MAP4K4: variants seen among roughly 807,000 people sequenced by gnomAD.
The protein encoded by MAP4K4 is mitogen-activated protein kinase kinase kinase kinase 4, also known as HPK/GCK-like kinase HGK.
MAP4K4 carries 38 observed loss-of-function variants against 189.6 expected under a neutral mutation model. The ratio of observed to expected loss-of-function variants is 0.20; its 90% CI spans 0.15 to 0.26. MAP4K4 has a LOEUF of 0.26. Ranked by LOEUF, MAP4K4 falls within the 10% of genes least tolerant of loss-of-function variation. The pLI is 1.00. For synonymous variants in MAP4K4, 610 were observed against 624.3 expected (o/e 0.98, Z 0.34); for missense variants, 1,054 against 1,726.9 (o/e 0.61, Z 6.91).
intron 2 of MAP4K4, among the ~76,000 whole-genome samples, chr2:101,750,662 A>G (rs1353688315): frequency 6.6e-6 from 1 of 151,618 alleles, no homozygotes; most frequent in South Asian, 2.1e-4. Flanking sequence ...AAGTATATAT[A>G]TAAAAAAAAA....
chr2:101,890,963 G>T (rs1241911040), intron 32 of MAP4K4, among the ~76,000 whole-genome samples: 1 of 152,032 alleles, frequency 6.6e-6, no homozygotes, highest in Non-Finnish European at 1.5e-5. Flanking sequence ...GGCCAGACTG[G>T]TCTGGAACTC....
intron 2 of MAP4K4, among the ~76,000 whole-genome samples, chr2:101,754,151 A>G (rs1322811222): frequency 6.6e-6 from 1 of 152,082 alleles, no homozygotes; most frequent in Non-Finnish European, 1.5e-5. Flanking sequence ...ATCTTATATT[A>G]TATGTGAATG....
chr2:101,729,079 AGAGAG>A (rs2057092122), intron 2 of MAP4K4, among the ~76,000 whole-genome samples: 1 of 108,390 alleles, frequency 9.2e-6, no homozygotes, highest in East Asian at 3.2e-4. Context: ...TAGAGAGAGG[AGAGAG>A]AGAGAGAGAG....
chr2:101,845,633 A>T (rs2097082049), intron 12 of MAP4K4, among the ~76,000 whole-genome samples: 1 of 152,210 alleles, frequency 6.6e-6, no homozygotes, highest in African/African-American at 2.4e-5. Context: ...ACATAGAAAA[A>T]GTATGGTAAA....
At chr2:101,741,585 C>T (rs2062858016) in intron 2 of MAP4K4, among the ~76,000 whole-genome samples, 1 of 152,092 alleles carries the variant, frequency 6.6e-6, no homozygotes, top group South Asian at 2.1e-4. Flanking sequence ...GCTCCAGCCC[C>T]CAACCTTAAT....
intron 2 of MAP4K4, among the ~76,000 whole-genome samples, chr2:101,779,809 C>CT (rs34853403): frequency 0.26 from 37,674 of 143,666 alleles, 5,330 homozygotes; most frequent in East Asian, 0.35. Context: ...TTTCACCTCT[C>CT]TTTTTTTTTT....
intron 3 of MAP4K4, among the ~76,000 whole-genome samples, chr2:101,795,015 CAGT>C (rs895574606): frequency 2.1e-4 from 32 of 152,212 alleles, no homozygotes; most frequent in Admixed American, 7.2e-4. Flanking sequence ...AAGAACACCT[CAGT>C]GGTGGTATTG....
intron 3 of MAP4K4, among the ~76,000 whole-genome samples, chr2:101,808,246 G>T (rs1189938711): frequency 6.6e-6 from 1 of 152,152 alleles, no homozygotes; most frequent in African/African-American, 2.4e-5. Context: ...CCTGTGTGCA[G>T]CTTGTGCCCA....
chr2:101,834,050 TACAGTA>T (rs2096665338), intron 7 of MAP4K4, among the ~76,000 whole-genome samples: 1 of 152,208 alleles, frequency 6.6e-6, no homozygotes, highest in East Asian at 1.9e-4. Flanking sequence ...TGAAGAAACA[TACAGTA>T]GTTCACAGTA....
intron 2 of MAP4K4, among the ~76,000 whole-genome samples, chr2:101,760,524 G>A (rs28595093): frequency 0.063 from 3,460 of 55,126 alleles, 150 homozygotes; most frequent in African/African-American, 0.19. Context: ...ATATATATAT[G>A]TATATATGTG....
At chr2:101,843,022 G>A (rs2149574398) in intron 11 of MAP4K4, among the ~76,000 whole-genome samples, 1 of 152,278 alleles carries the variant, frequency 6.6e-6, no homozygotes, top group Non-Finnish European at 1.5e-5. Context: ...GTGGTATATA[G>A]AACATGGCTA....
intron 27 of MAP4K4, among the ~76,000 whole-genome samples, chr2:101,879,831 CT>C (rs60874878): frequency 0.21 from 26,587 of 124,920 alleles, 2,621 homozygotes; most frequent in African/African-American, 0.31. Flanking sequence ...TCAGCTGCTG[CT>C]TTTTTTTTTT....
chr2:101,844,964 A>G lies in MAP4K4; in HGVS notation c.1233+653A>G, dbSNP rs577858389. Among the ~76,000 whole-genome samples the G allele has an allele frequency of 4.7e-4, 71 of 152,250 alleles. 2 individuals carry two copies. In the South Asian group the frequency reaches 0.014, roughly 31 times the overall value. On this transcript the variant is annotated intron_variant, in intron 12 of 32. Transcript: ENST00000324219. ...AAAATAAAAAAGATAAGATTTGGAC[A>G]TAGAGGCGGAAACACGGGAAGAGTG... is the stretch of plus-strand genomic sequence containing the variant.
At chr2:101,842,468 T>C (rs920125463) in intron 10 of MAP4K4, 141 bp from the exon 11 acceptor site, 1 of 565,722 alleles carries the variant, frequency 1.8e-6, no homozygotes, top group Non-Finnish European at 3.2e-6. Flanking sequence ...TTGCCCCTCC[T>C]CCCCAAATCC....
At chr2:101,783,832 G>T (rs188245571) in intron 2 of MAP4K4, among the ~76,000 whole-genome samples, 42 of 152,296 alleles carry the variant, frequency 2.8e-4, no homozygotes, top group Non-Finnish European at 5.9e-5. Context: ...TTTTGATTTA[G>T]TGAGGGAGAC....
intron 7 of MAP4K4, 95 bp downstream of exon 7, chr2:101,831,946 G>C (rs2096605925): frequency 4.3e-6 from 6 of 1,411,624 alleles, no homozygotes; most frequent in East Asian, 2.4e-5. Context: ...TTGTCTGCCT[G>C]CCTTTTCAGG....
chr2:101,747,550 A>G (rs918102016), intron 2 of MAP4K4, among the ~76,000 whole-genome samples: 2 of 152,296 alleles, frequency 1.3e-5, no homozygotes, highest in African/African-American at 4.8e-5. Context: ...CTTTAAAGGA[A>G]CAGATATTCC....
At chr2:101,726,208 C>G (rs1297698397) in intron 2 of MAP4K4, among the ~76,000 whole-genome samples, 1 of 152,188 alleles carries the variant, frequency 6.6e-6, no homozygotes, top group African/African-American at 2.4e-5. Context: ...CTGCTTGCAG[C>G]TATTCACTTT....
chr2:101,788,365 G>A (rs755080242), intron 2 of MAP4K4, among the ~76,000 whole-genome samples: 64 of 152,104 alleles, frequency 4.2e-4, no homozygotes, highest in Non-Finnish European at 6.6e-4. Context: ...ACCACCTGCC[G>A]GACTCTAGAA....
Sources: gnomAD v4.1 joint callset for allele counts (sites outside exome capture counted in the v4.1 genomes callset) on GRCh38, gnomAD v4.1.1 for gene constraint, MANE v1.5 for transcripts, NCBI Gene and HGNC (gene_info 2026-07-23, HGNC 2026-07-21) for gene names.